The following TCP11L1 variants were observed in gnomAD, a reference collection of about 807,000 sequenced individuals.
TCP11L1 encodes the protein t-complex 11 like 1.
In TCP11L1, 28 loss-of-function variants were observed where a neutral mutation model predicts 48.9. That is an observed-to-expected ratio of 0.57 (90% CI 0.42 to 0.78). The LOEUF (loss-of-function observed/expected upper bound fraction) is 0.78, where lower values mean the gene tolerates loss of function less well. Ranked by LOEUF, TCP11L1 falls within the 30% of genes least tolerant of loss-of-function variation. The pLI is 0.00. For missense variants in TCP11L1, 505 were observed against 613.4 expected (o/e 0.82, Z 1.87); for synonymous variants, 204 against 231.9 (o/e 0.88, Z 1.09).
chr11:33,063,321 C>G (rs1854518508), intron 7 of TCP11L1, among the ~76,000 whole-genome samples: 1 of 152,214 alleles, frequency 6.6e-6, no homozygotes, highest in Non-Finnish European at 1.5e-5. Flanking sequence ...GTTTTTACCT[C>G]TCTTGGTTAC....
At chr11:33,046,115 A>G (rs1853986616) in intron 2 of TCP11L1, among the ~76,000 whole-genome samples, 1 of 152,242 alleles carries the variant, frequency 6.6e-6, no homozygotes, top group South Asian at 2.1e-4. Flanking sequence ...GGCTTAGATT[A>G]TGGTGCTGCA....
intron 2 of TCP11L1, among the ~76,000 whole-genome samples, chr11:33,047,484 G>C (rs556783997): frequency 6.6e-6 from 1 of 152,330 alleles, no homozygotes; most frequent in Non-Finnish European, 1.5e-5. Flanking sequence ...AGTAAAAGAT[G>C]CTATATTCAG....
Position 33,061,524 on chromosome 11 carries a change from TCA to T in TCP11L1, c.776-3_776-2del. On this transcript the variant is annotated splice_polypyrimidine_tract_variant and splice_region_variant and intron_variant, in intron 6 of 9. Coordinates refer to ENST00000334274, the MANE Select transcript of TCP11L1 (RefSeq NM_018393.4). ...AAGGTAATGTGTGCAGCTTTGTTTT[TCA>T]CAGATTCCCTGGACTTTGTCACCCA... The T allele has an allele frequency of 1.9e-6, 3 of 1,593,436 alleles. No individual in the cohort carries two copies. Among genetic ancestry groups the T allele is most frequent in the Non-Finnish European group, 2.6e-6 (3 of 1,168,666 alleles).
At chr11:33,057,861 T>G in intron 4 of TCP11L1, 58 bp from the exon 5 acceptor site, 1 of 1,417,952 alleles carries the variant, frequency 7.1e-7, no homozygotes, top group South Asian at 1.3e-5. Flanking sequence ...ATAAATTACA[T>G]ATAATTAGAA....
At chr11:33,066,696 C>A (rs1485857840) in intron 8 of TCP11L1, among the ~76,000 whole-genome samples, 1 of 152,132 alleles carries the variant, frequency 6.6e-6, no homozygotes, top group Admixed American at 6.5e-5. Context: ...CTCCTGACCT[C>A]CAAGGTTCTT....
chr11:33,065,567 A>T (rs939496826), intron 7 of TCP11L1, among the ~76,000 whole-genome samples: 6 of 152,098 alleles, frequency 3.9e-5, no homozygotes, highest in African/African-American at 7.2e-5. Context: ...CCAGCCGGGG[A>T]GGTCATGGTA....
chr11:33,043,576 T>A (rs913822033), intron 1 of TCP11L1, among the ~76,000 whole-genome samples, 174 bp from the exon 2 acceptor site: 1 of 152,274 alleles, frequency 6.6e-6, no homozygotes, highest in Non-Finnish European at 1.5e-5. Flanking sequence ...TACAAGTATC[T>A]GTTTAGTCAT....
Position 33,058,084 on chromosome 11 carries a change from C to G in TCP11L1, c.583C>G (p.Arg195Gly), listed in dbSNP as rs762990188. Reference protein sequence around the residue: ...GMMGTLCAPARDEEVKKLKDI... With the variant: ...GMMGTLCAPAGDEEVKKLKDI... ...GATGGGGACACTGTGTGCACCTGCTCGAGATGAGGAAGTTAAGAAACTAAA... is the reference window on the plus strand; with the variant it reads ...GATGGGGACACTGTGTGCACCTGCTGGAGATGAGGAAGTTAAGAAACTAAA... Residue 195 changes from arginine to glycine, a missense_variant, in exon 5 of 10, where the codon CGA becomes GGA. Transcript: ENST00000334274. The G allele has an allele frequency of 6.2e-7, 1 of 1,613,982 alleles. No individual in the cohort carries two copies. Among genetic ancestry groups the G allele is most frequent in the South Asian group, 1.1e-5 (1 of 91,060 alleles).
intron 9 of TCP11L1, among the ~76,000 whole-genome samples, chr11:33,070,623 T>G (rs947763478): frequency 3.4e-5 from 5 of 148,222 alleles, no homozygotes; most frequent in South Asian, 2.1e-4. Context: ...AGGTGGAGAT[T>G]GTGGTGAGCC....
chr11:33,050,598 G>A (rs76547171), intron 2 of TCP11L1, among the ~76,000 whole-genome samples: 9,133 of 151,936 alleles, frequency 0.06, 373 homozygotes, highest in Non-Finnish European at 0.087. Flanking sequence ...AGTGAACTGT[G>A]ATCACCACTC....
chr11:33,041,175 C>T (rs994351045), intron 1 of TCP11L1: 1 of 152,234 alleles, frequency 6.6e-6, no homozygotes, highest in Non-Finnish European at 1.5e-5. Context: ...GTTTACTAAG[C>T]TGAGCATTAG....
intron 2 of TCP11L1, among the ~76,000 whole-genome samples, chr11:33,052,651 A>G (rs1483350175): frequency 6.6e-6 from 1 of 152,130 alleles, no homozygotes; most frequent in African/African-American, 2.4e-5. Context: ...TACTTCTCAA[A>G]CTGTGGTGTT....
intron 7 of TCP11L1, among the ~76,000 whole-genome samples, chr11:33,065,269 AT>A (rs956886260): frequency 1.1e-4 from 17 of 147,932 alleles, no homozygotes; most frequent in Admixed American, 2.0e-4. Flanking sequence ...AGGTCATGCT[AT>A]TTTTTTTTTT....
chr11:33,042,198 TC>T (rs1002050509), intron 1 of TCP11L1, among the ~76,000 whole-genome samples: 29 of 152,190 alleles, frequency 1.9e-4, no homozygotes, highest in African/African-American at 7.0e-4. Context: ...TGGTGCGATC[TC>T]GGCTCACTGC....
intron 9 of TCP11L1, among the ~76,000 whole-genome samples, chr11:33,069,151 GGAATAA>G (rs1854704177): frequency 6.6e-6 from 1 of 152,116 alleles, no homozygotes; most frequent in African/African-American, 2.4e-5. Context: ...CTCTAAAGCA[GGAATAA>G]GGGCAGCAAC....
At chr11:33,058,221 C>CA (rs1854368868) in intron 5 of TCP11L1, 82 bp downstream of exon 5, 1 of 1,245,948 alleles carries the variant, frequency 8.0e-7, no homozygotes, top group East Asian at 2.5e-5. Flanking sequence ...TTTTTTGAGA[C>CA]AGAGTCTCAC....
chr11:33,053,032 T>C (rs1854208379), intron 2 of TCP11L1, among the ~76,000 whole-genome samples: 2 of 151,980 alleles, frequency 1.3e-5, no homozygotes, highest in South Asian at 4.1e-4. Flanking sequence ...TCTTTGGCCC[T>C]GCTCCAGAGC....
intron 8 of TCP11L1, among the ~76,000 whole-genome samples, chr11:33,066,666 T>C (rs190484214): frequency 9.9e-5 from 15 of 152,272 alleles, no homozygotes; most frequent in Non-Finnish European, 2.9e-5. Context: ...CCCTTCCTTC[T>C]TTAATGGGGT....
intron 9 of TCP11L1, among the ~76,000 whole-genome samples, chr11:33,072,096 A>T (rs1456868376): frequency 6.6e-6 from 1 of 151,980 alleles, no homozygotes; most frequent in Non-Finnish European, 1.5e-5. Context: ...CGCCCACCTT[A>T]GCCTCCCAAA....
Sources: allele counts gnomAD v4.1 joint callset (sites outside exome capture counted in the v4.1 genomes callset), GRCh38; gene constraint gnomAD v4.1.1; transcripts MANE v1.5; gene names NCBI Gene and HGNC (gene_info 2026-07-23, HGNC 2026-07-21).